Variants in INPP4B observed in about 807,000 individuals in gnomAD.
INPP4B encodes the protein inositol polyphosphate 4-phosphatase type II.
Under a neutral mutation model 122.5 loss-of-function variants are expected in INPP4B, and 55 were observed. That is an observed-to-expected ratio of 0.45 (90% CI 0.36 to 0.56). The LOEUF is 0.56. INPP4B is among the 20% of genes least tolerant of loss of function. The pLI is 0.00. For missense variants in INPP4B, 1,000 were observed against 1,097.7 expected, an observed-to-expected ratio of 0.91 and a Z score of 1.26; for synonymous variants, 403 against 388.7, an observed-to-expected ratio of 1.04 and a Z score of -0.43.
At chr4:142,435,569 A>G (rs1004930702) in intron 3 of INPP4B, among the ~76,000 whole-genome samples, 1 of 152,150 alleles carries the variant, frequency 6.6e-6, no homozygotes, top group Non-Finnish European at 1.5e-5. Context: ...CAAATCCTGC[A>G]CCAGCAACTG....
intron 25 of INPP4B, among the ~76,000 whole-genome samples, chr4:142,042,894 C>T (rs1270987550): frequency 1.3e-5 from 2 of 152,080 alleles, no homozygotes; most frequent in African/African-American, 4.8e-5. Flanking sequence ...CCAACTTTTC[C>T]CAGTGATAGA....
intron 2 of INPP4B, among the ~76,000 whole-genome samples, chr4:142,530,568 T>C (rs1352393605): frequency 3.3e-5 from 5 of 149,916 alleles, no homozygotes; most frequent in South Asian, 4.2e-4. Context: ...TATATATATA[T>C]ATATATATAT....
In INPP4B at chr4:142,438,888, T is replaced by A. The variant is rs1811110727; in HGVS notation, c.-126-7503A>T. Among the ~76,000 whole-genome samples, 3 of 152,282 alleles carry A rather than the reference T, an allele frequency of 2.0e-5. No individual in the cohort carries two copies. The South Asian group carries it at 6.2e-4, about 32-fold the overall frequency. ...CAAAGAACCCCAGCAAGACATTAAA[T>A]GCCTTCTACATGTAAAGATGTTTGG... is the stretch of plus-strand genomic sequence containing the variant. On this transcript the variant is annotated intron_variant, in intron 3 of 25. Transcript: ENST00000262992.
At chr4:142,082,863 A>G (rs1207958119) in intron 24 of INPP4B, among the ~76,000 whole-genome samples, 1 of 152,242 alleles carries the variant, frequency 6.6e-6, no homozygotes, top group Non-Finnish European at 1.5e-5. Context: ...ACAGCGGCTC[A>G]TGCCTGTAAT....
At chr4:142,096,191 A>G (rs1267779783) in intron 23 of INPP4B, 1 of 152,180 alleles carries the variant, frequency 6.6e-6, no homozygotes. Flanking sequence ...TGAGTAGTAG[A>G]ATCTGGAATG....
chr4:142,735,903 G>A (rs541132377), intron 1 of INPP4B, among the ~76,000 whole-genome samples: 28 of 141,694 alleles, frequency 2.0e-4, no homozygotes, highest in African/African-American at 7.1e-4. Context: ...AGAAATTTAC[G>A]TATATCATTC....
intron 8 of INPP4B, among the ~76,000 whole-genome samples, chr4:142,311,323 T>A (rs946337019): frequency 4.6e-5 from 7 of 152,182 alleles, no homozygotes; most frequent in Non-Finnish European, 1.0e-4. Context: ...GACTTATTCT[T>A]ACCGTGCTTG....
chr4:142,230,443 C>T (rs1212443867), intron 12 of INPP4B, among the ~76,000 whole-genome samples: 1 of 151,944 alleles, frequency 6.6e-6, no homozygotes, highest in Non-Finnish European at 1.5e-5. Flanking sequence ...GTGGGGAGTT[C>T]GAGAACAGCC....
chr4:142,241,380 A>T (rs1009347671), intron 11 of INPP4B, among the ~76,000 whole-genome samples: 3 of 152,178 alleles, frequency 2.0e-5, no homozygotes, highest in Non-Finnish European at 4.4e-5. Context: ...ATCTTGATTG[A>T]CACATTCCCC....
At chr4:142,588,002 G>C (rs1736603748) in intron 2 of INPP4B, among the ~76,000 whole-genome samples, 1 of 151,880 alleles carries the variant, frequency 6.6e-6, no homozygotes, top group Non-Finnish European at 1.5e-5. Context: ...AGTTATGCAA[G>C]TCTGGGTCAA....
At chr4:142,829,138 GC>G (rs1382308125) in intron 1 of INPP4B, among the ~76,000 whole-genome samples, 1 of 150,630 alleles carries the variant, frequency 6.6e-6, no homozygotes, top group Non-Finnish European at 1.5e-5. Context: ...TGAAAAAGGA[GC>G]AAGAAGTCAA....
At chr4:142,629,977 C>T (rs921397802) in intron 2 of INPP4B, among the ~76,000 whole-genome samples, 1 of 152,008 alleles carries the variant, frequency 6.6e-6, no homozygotes, top group African/African-American at 2.4e-5. Flanking sequence ...AGGCATAGGG[C>T]CTACACTAAA....
chr4:142,583,174 A>G (rs1441662045), intron 2 of INPP4B, among the ~76,000 whole-genome samples: 1 of 152,114 alleles, frequency 6.6e-6, no homozygotes, highest in African/African-American at 2.4e-5. Flanking sequence ...GTTGCTAGTC[A>G]TACCAATTTT....
intron 2 of INPP4B, among the ~76,000 whole-genome samples, chr4:142,574,469 C>T (rs1206014772): frequency 2.6e-5 from 4 of 152,002 alleles, no homozygotes; most frequent in Admixed American, 2.6e-4. Flanking sequence ...ATGACTAGGA[C>T]CTACTAACAT....
At chr4:142,093,816 C>T (rs3822136) in intron 23 of INPP4B, among the ~76,000 whole-genome samples, 2 of 151,894 alleles carry the variant, frequency 1.3e-5, no homozygotes, top group Non-Finnish European at 2.9e-5. Context: ...TCCTGGTCTG[C>T]GTTGAATATT....
intron 3 of INPP4B, among the ~76,000 whole-genome samples, chr4:142,437,362 C>T (rs1810760824): frequency 6.6e-6 from 1 of 151,998 alleles, no homozygotes; most frequent in African/African-American, 2.4e-5. Context: ...AAAACTTCCC[C>T]AACCTAGAAA....
intron 21 of INPP4B, among the ~76,000 whole-genome samples, chr4:142,121,136 T>G (rs950723452): frequency 7.2e-5 from 11 of 152,112 alleles, no homozygotes; most frequent in Non-Finnish European, 1.5e-4. Flanking sequence ...GTTTTTCAGG[T>G]GTGCGTATGA....
rs753115192 is a variant in INPP4B, at chr4:142,564,452, AAAG to A, written c.-190-101729_-190-101727del. Among the ~76,000 whole-genome samples the A allele has an allele frequency of 1.8e-4, 21 of 119,532 alleles. 1 individual carries two copies. Among genetic ancestry groups the A allele is most frequent in the Middle Eastern group, 4.6e-3 (1 of 216 alleles). The allele number at this position is 119,532 out of a possible 152,430, so 78.4% of individuals were successfully genotyped here. On this transcript the variant is annotated intron_variant, in intron 2 of 25. Transcript: ENST00000262992. ...CTTAAGGAATGGCAAAAAAAAAAAA[AAAG>A]AAAGAAAGAAAGAAAGAAAGAAAAA...
chr4:142,431,199 C>A lies in INPP4B; in HGVS notation c.61G>T (p.Ala21Ser). The change falls in exon 4 of 26, where the codon GCC (alanine) becomes TCC (serine). Residue 21 changes from alanine (A) to serine (S), a missense_variant. Coordinates refer to ENST00000262992, the MANE Select transcript of INPP4B (RefSeq NM_001101669.3). ...AACTGACAGTCCCCGGGATCATTGG[C>A]CTGGGCTGTAGGAAGAAAGTGCTGC... Reference protein sequence around the residue: ...EGQHFLPTAQANDPGDCQFTS... With the variant: ...EGQHFLPTAQSNDPGDCQFTS... 1 of 1,613,240 alleles carries A rather than the reference C, an allele frequency of 6.2e-7. No homozygotes were observed.
Sources: gnomAD v4.1 joint callset for allele counts (sites outside exome capture counted in the v4.1 genomes callset) on GRCh38, gnomAD v4.1.1 for gene constraint, MANE v1.5 for transcripts, NCBI Gene and HGNC (gene_info 2026-07-23, HGNC 2026-07-21) for gene names.